The following TVP23B variants were observed in gnomAD, a reference collection of about 807,000 sequenced individuals.
The protein encoded by TVP23B is trans-golgi network vesicle protein 23 homolog B.
A neutral mutation model predicts 30.6 loss-of-function variants in TVP23B; 10 were observed. The observed-to-expected ratio is 0.33, with a 90% confidence interval of 0.20 to 0.55. The LOEUF is 0.55. TVP23B is among the 20% of genes least tolerant of loss of function. The probability of loss-of-function intolerance (pLI) is 0.91; values close to 1 mark genes in which losing one functional copy is unlikely to be tolerated. For missense variants in TVP23B, 153 were observed against 243.2 expected, an observed-to-expected ratio of 0.63 and a Z score of 2.47; for synonymous variants, 67 against 83.1, an observed-to-expected ratio of 0.81 and a Z score of 1.06.
chr17:18,785,514 A>G (rs900138005), intron 1 of TVP23B, among the ~76,000 whole-genome samples: 1 of 151,834 alleles, frequency 6.6e-6, no homozygotes, highest in Non-Finnish European at 1.5e-5. Flanking sequence ...ATAGTGTTCT[A>G]GGTAATATGA....
At chr17:18,798,609 T>C (rs1460767120) in intron 4 of TVP23B, among the ~76,000 whole-genome samples, 1 of 152,186 alleles carries the variant, frequency 6.6e-6, no homozygotes, top group African/African-American at 2.4e-5. Flanking sequence ...CATCCTGCCC[T>C]GAAAATGCAA....
chr17:18,796,995 T>TA (rs2036086523), intron 3 of TVP23B: 1 of 155,422 alleles, frequency 6.4e-6, no homozygotes. Context: ...GTGCATTGGT[T>TA]GTCTGCCTCT....
At chr17:18,804,502 T>C (rs2036218507) in intron 6 of TVP23B, 19 of 1,258,360 alleles carry the variant, frequency 1.5e-5, no homozygotes, top group Non-Finnish European at 1.9e-5. Flanking sequence ...TAATAACTTA[T>C]TTTTTAAAAA....
intron 3 of TVP23B, among the ~76,000 whole-genome samples, chr17:18,793,567 G>A (rs2036029966): frequency 6.8e-6 from 1 of 147,986 alleles, no homozygotes; most frequent in Non-Finnish European, 1.5e-5. Context: ...CTGCACTCTA[G>A]CCTGGGCAAC....
chr17:18,793,443 TAAAAAAA>T (rs67506831), intron 3 of TVP23B, among the ~76,000 whole-genome samples: 8 of 100,256 alleles, frequency 8.0e-5, no homozygotes, highest in Admixed American at 1.1e-4. Flanking sequence ...CCATCTCTGC[TAAAAAAA>T]AAAAAAAAAA....
Position 18,805,902 on chromosome 17 carries a change from T to A in TVP23B, c.*335T>A. Reference sequence around the variant, plus strand: ...CATTTACATAGGTAATGGAGACCTTTGCATTTTGATCCATAGAACATAGGA... The same window carrying A: ...CATTTACATAGGTAATGGAGACCTTAGCATTTTGATCCATAGAACATAGGA... On this transcript the variant is annotated 3_prime_UTR_variant, in exon 7 of 7. Transcript: ENST00000307767. 9.4e-7 allele frequency: 1 copy of A among 1,065,068 alleles called. No individual in the cohort carries two copies. The highest frequency in any genetic ancestry group is 5.0e-5 in the Admixed American group (1 of 20,022). 66.0% of individuals were successfully genotyped at this position (1,065,068 alleles called of 1,614,324 possible). A position where few individuals can be genotyped will look rare whatever the true frequency, so the allele number is the denominator to read the frequency against.
At chr17:18,797,334 A>T in intron 3 of TVP23B, 1 of 450,040 alleles carries the variant, frequency 2.2e-6, no homozygotes, top group Non-Finnish European at 4.2e-6. Context: ...GAGGGAAAAG[A>T]GAAGGTGTAA....
At chr17:18,795,016 C>CTT (rs781620472) in intron 3 of TVP23B, among the ~76,000 whole-genome samples, 35 of 46,254 alleles carry the variant, frequency 7.6e-4, no homozygotes, top group African/African-American at 1.6e-3. Context: ...CATCTCAAAT[C>CTT]TTTTTTTTTT....
intron 4 of TVP23B, among the ~76,000 whole-genome samples, chr17:18,798,360 G>A (rs1246038042): frequency 1.3e-5 from 2 of 150,818 alleles, no homozygotes; most frequent in Admixed American, 6.6e-5. Context: ...AACTTCCTGG[G>A]TATTGCTAAG....
Position 18,798,797 on chromosome 17 carries a change from T to C in TVP23B, c.331-15T>C. 1 of 1,589,176 alleles carries C rather than the reference T, an allele frequency of 6.3e-7. No individual in the cohort carries two copies. The highest frequency in any genetic ancestry group is 8.5e-7 in the Non-Finnish European group (1 of 1,172,956). On this transcript the variant is annotated splice_polypyrimidine_tract_variant and intron_variant, in intron 4 of 6. Coordinates refer to ENST00000307767, the MANE Select transcript of TVP23B (RefSeq NM_016078.6). The stretch of plus-strand genomic sequence containing the variant: ...AATTTCACAACATGATAATTGAATT[T>C]ATGTTCTTTTATAGGAGTCCTCTCA...
chr17:18,793,931 TCAAA>T (rs944912866), intron 3 of TVP23B, among the ~76,000 whole-genome samples: 18 of 151,900 alleles, frequency 1.2e-4, no homozygotes, highest in African/African-American at 2.4e-5. Context: ...TCAGATCAAC[TCAAA>T]CAAAAAGAAA....
intron 1 of TVP23B, among the ~76,000 whole-genome samples, chr17:18,785,347 CT>C (rs1241322582): frequency 6.7e-6 from 1 of 148,356 alleles, no homozygotes; most frequent in Non-Finnish European, 1.5e-5. Context: ...TCTTCCCCAT[CT>C]TAGTAAATGT....
chr17:18,802,233 AAATAAAAAT>A (rs887971480), intron 5 of TVP23B, among the ~76,000 whole-genome samples: 2 of 152,146 alleles, frequency 1.3e-5, no homozygotes, highest in Non-Finnish European at 1.5e-5. Context: ...AAAAATAAAT[AAATAAAAAT>A]AATAAAAATA....
chr17:18,794,233 G>A (rs1374480355), intron 3 of TVP23B, among the ~76,000 whole-genome samples: 2 of 152,356 alleles, frequency 1.3e-5, no homozygotes, highest in East Asian at 3.9e-4. Flanking sequence ...TTGGGACTTT[G>A]TATGACAGAA....
chr17:18,799,870 T>A (rs555984980), intron 5 of TVP23B, among the ~76,000 whole-genome samples: 2 of 152,262 alleles, frequency 1.3e-5, no homozygotes, highest in African/African-American at 4.8e-5. Context: ...CGATATAGAT[T>A]CTTTTTTTCT....
At chr17:18,802,749 A>G (rs2151852419) in intron 5 of TVP23B, among the ~76,000 whole-genome samples, 1 of 152,344 alleles carries the variant, frequency 6.6e-6, no homozygotes, top group East Asian at 1.9e-4. Flanking sequence ...TAACTTACAG[A>G]TTTTAACATT....
At chr17:18,787,516 A>T (rs138513498) in intron 1 of TVP23B, among the ~76,000 whole-genome samples, 266 of 152,128 alleles carry the variant, frequency 1.7e-3, no homozygotes, top group African/African-American at 6.1e-3. Context: ...TCAAATGGAG[A>T]TTCGTCCAAG....
chr17:18,795,165 T>C (rs1381754384), intron 3 of TVP23B, among the ~76,000 whole-genome samples: 2 of 151,658 alleles, frequency 1.3e-5, no homozygotes, highest in African/African-American at 4.8e-5. Flanking sequence ...TAGCTGAGAC[T>C]ACAGGCATGC....
Position 18,796,036 on chromosome 17 carries a change from G to A in TVP23B, c.241-1543G>A, listed in dbSNP as rs1006472601. Reference sequence around the variant, plus strand: ...ACTATACTTTATGAATTTATTAATGGTAAGATCTAGTGGCAGGTCTAATAA... The same window carrying A: ...ACTATACTTTATGAATTTATTAATGATAAGATCTAGTGGCAGGTCTAATAA... On this transcript the variant is annotated intron_variant, in intron 3 of 6. Coordinates refer to ENST00000307767, the MANE Select transcript of TVP23B (RefSeq NM_016078.6). 2.0e-5 allele frequency: 3 copies of A among 149,440 alleles called. No individual in the cohort carries two copies. The Admixed American group carries it at 2.0e-4, about 10-fold the overall frequency. 9.3% of individuals were successfully genotyped at this position (149,440 alleles called of 1,614,324 possible).
Sources: gnomAD v4.1 joint callset for allele counts (sites outside exome capture counted in the v4.1 genomes callset) on GRCh38, gnomAD v4.1.1 for gene constraint, MANE v1.5 for transcripts, NCBI Gene and HGNC (gene_info 2026-07-23, HGNC 2026-07-21) for gene names.